TMEM14A: variants seen among roughly 807,000 people sequenced by gnomAD.
The protein encoded by TMEM14A is transmembrane protein 14A.
Under a neutral mutation model 11.6 loss-of-function variants are expected in TMEM14A, and 8 were observed. The observed-to-expected ratio is 0.69, with a 90% CI of 0.40 to 1.24. The LOEUF is 1.24. Among genes scored for constraint, TMEM14A ranks in the 50% most tolerant of loss-of-function variants. The probability of loss-of-function intolerance (pLI) is 0.01; values close to 1 mark genes in which losing one functional copy is unlikely to be tolerated. For missense variants in TMEM14A, 108 were observed against 121.9 expected, an observed-to-expected ratio of 0.89 and a Z score of 0.54; for synonymous variants, 34 against 45.5, an observed-to-expected ratio of 0.75 and a Z score of 1.02.
intron 2 of TMEM14A, among the ~76,000 whole-genome samples, chr6:52,680,207 A>G (rs1489353739): frequency 6.6e-6 from 1 of 151,872 alleles, no homozygotes; most frequent in Non-Finnish European, 1.5e-5. Context: ...GCGGAAGACT[A>G]TGATGGGGGC....
chr6:52,677,120 T>C lies in TMEM14A; in HGVS notation c.18T>C (p.Phe6=), dbSNP rs766955775. 2 of 1,614,254 alleles carry C rather than the reference T, an allele frequency of 1.2e-6. No homozygotes were observed. Among genetic ancestry groups the C allele is most frequent in the East Asian group, 2.2e-5 (1 of 44,894 alleles). Residue 6 remains phenylalanine, a synonymous_variant, in exon 2 of 5, where the codon TTT becomes TTC. Transcript: ENST00000211314. MDLIG[F]GYAALVTFGS... ...CCTTGCCAATGGACCTGATCGGTTT[T>C]GGTTATGCAGCCCTCGTGACATTTG...
chr6:52,675,809 C>T (rs1221298048), intron 1 of TMEM14A, among the ~76,000 whole-genome samples: 1 of 152,170 alleles, frequency 6.6e-6, no homozygotes, highest in Non-Finnish European at 1.5e-5. Flanking sequence ...GGACTAATAT[C>T]TGTACAGACA....
intron 1 of TMEM14A, among the ~76,000 whole-genome samples, chr6:52,674,731 T>C (rs1410852634): frequency 6.6e-6 from 1 of 152,132 alleles, no homozygotes; most frequent in Non-Finnish European, 1.5e-5. Context: ...ACAGATGAGC[T>C]CTCCTGTTTT....
At chr6:52,675,545 TG>T (rs910794844) in intron 1 of TMEM14A, among the ~76,000 whole-genome samples, 3 of 152,216 alleles carry the variant, frequency 2.0e-5, no homozygotes, top group African/African-American at 7.2e-5. Context: ...GAGAGAATTG[TG>T]GGCAGGGTTT....
chr6:52,683,291 C>T (rs1481461490), intron 3 of TMEM14A, among the ~76,000 whole-genome samples: 1 of 152,008 alleles, frequency 6.6e-6, no homozygotes, highest in African/African-American at 2.4e-5. Flanking sequence ...AAGACCCTGT[C>T]TCTACTAAAA....
chr6:52,678,047 A>G (rs980961684), intron 2 of TMEM14A, among the ~76,000 whole-genome samples: 3 of 152,120 alleles, frequency 2.0e-5, no homozygotes, highest in African/African-American at 4.8e-5. Flanking sequence ...GTCTTAATGT[A>G]TGTATTAGAG....
At position 52,686,318 on chromosome 6, in the gene TMEM14A, G is replaced by A; in HGVS notation, c.*269G>A. 1 of 394,846 alleles carries A rather than the reference G, an allele frequency of 2.5e-6. No individual in the cohort carries two copies. Among genetic ancestry groups the A allele is most frequent in the Non-Finnish European group, 4.5e-6 (1 of 223,342 alleles). The allele number at this position is 394,846 out of a possible 1,614,324, so 24.5% of individuals were successfully genotyped here. ...TGTTGTGTCTATTTTTTATATATTT[G>A]GTATTTTTTGAAAATTCCAAATACT... On this transcript the variant is annotated 3_prime_UTR_variant, in exon 5 of 5. Transcript: ENST00000211314.
intron 1 of TMEM14A, among the ~76,000 whole-genome samples, chr6:52,673,810 C>G (rs6909539): frequency 0.68 from 102,991 of 151,658 alleles, 36,976 homozygotes; most frequent in South Asian, 0.82. Context: ...GTCGAATTGA[C>G]TACAAATATA....
At chr6:52,680,593 T>TATATATATATATATATATATATATATATA (rs1561874928) in intron 2 of TMEM14A, among the ~76,000 whole-genome samples, 3 of 96,514 alleles carry the variant, frequency 3.1e-5, no homozygotes, top group East Asian at 3.5e-4. Context: ...ATTTATATAT[T>TATATATATATATATATATATATATATATA]TATATATATA....
At chr6:52,672,325 C>G (rs187978022) in intron 1 of TMEM14A, among the ~76,000 whole-genome samples, 2 of 152,028 alleles carry the variant, frequency 1.3e-5, no homozygotes, top group East Asian at 3.9e-4. Flanking sequence ...AAGAGAAGAT[C>G]GCAGGAAGAG....
chr6:52,685,126 G>T (rs1404776061), intron 4 of TMEM14A, among the ~76,000 whole-genome samples: 1 of 152,154 alleles, frequency 6.6e-6, no homozygotes, highest in African/African-American at 2.4e-5. Context: ...GTTTTTCTGT[G>T]GGTGATAGTG....
rs1203284039 is a variant in TMEM14A, at chr6:52,676,630, C to T, written c.-16-457C>T. On this transcript the variant is annotated intron_variant, in intron 1 of 4. Transcript: ENST00000211314. Reference sequence around the variant, plus strand: ...AATGTCTTTGTATTAGTCATTCTCACACTGCTCTAAATAACTACCTGAGAC... The same window carrying T: ...AATGTCTTTGTATTAGTCATTCTCATACTGCTCTAAATAACTACCTGAGAC... Among the ~76,000 whole-genome samples the T allele has an allele frequency of 2.6e-5, 4 of 152,166 alleles. No individual in the cohort carries two copies. In the East Asian group the frequency reaches 5.8e-4, roughly 22 times the overall value.
At chr6:52,679,533 C>G (rs541419315) in intron 2 of TMEM14A, among the ~76,000 whole-genome samples, 73 of 152,300 alleles carry the variant, frequency 4.8e-4, no homozygotes, top group Middle Eastern at 6.8e-3. Context: ...CATCTTTCAA[C>G]TCTTTTTAAA....
In TMEM14A at chr6:52,681,913, G is replaced by C; in HGVS notation, c.171G>C (p.Leu57=). 1 of 1,613,488 alleles carries C rather than the reference G, an allele frequency of 6.2e-7. No homozygotes were observed. Among genetic ancestry groups the C allele is most frequent in the Non-Finnish European group, 8.5e-7 (1 of 1,179,578 alleles). Residue 57 remains leucine, a splice_region_variant and synonymous_variant, in exon 3 of 5, where the codon CTG becomes CTC. Transcript: ENST00000211314. ...ACAAACGAGATGTAAAAGTGTCACT[G>C]TGTAAGTAAGGCATTTTTCCTGGTT... ...SNDKRDVKVS[L]FTAFFLATIM... is the part of the protein sequence containing the mutation.
intron 4 of TMEM14A, 67 bp from the exon 5 acceptor site, chr6:52,685,943 T>A (rs1455713339): frequency 1.3e-6 from 2 of 1,514,486 alleles, no homozygotes; most frequent in African/African-American, 2.8e-5. Context: ...GGCGAGTGCA[T>A]GGCCCTTTCT....
At chr6:52,679,228 C>T (rs558290786) in intron 2 of TMEM14A, among the ~76,000 whole-genome samples, 203 of 152,254 alleles carry the variant, frequency 1.3e-3, no homozygotes, top group African/African-American at 4.6e-3. Flanking sequence ...ACTGTGCTTG[C>T]CTGGGCTCAC....
At chr6:52,675,628 A>G (rs1201397388) in intron 1 of TMEM14A, among the ~76,000 whole-genome samples, 1 of 152,254 alleles carries the variant, frequency 6.6e-6, no homozygotes, top group South Asian at 2.1e-4. Context: ...ATTGTCATCC[A>G]TTTAACTTCA....
At chr6:52,684,247 T>C (rs962439924) in intron 4 of TMEM14A, 82 bp downstream of exon 4, 81 of 1,280,806 alleles carry the variant, frequency 6.3e-5, no homozygotes, top group Non-Finnish European at 8.5e-5. Flanking sequence ...AATTTTAATT[T>C]GAAAGATCAA....
At chr6:52,684,306 T>C (rs1250242206) in intron 4 of TMEM14A, 141 bp downstream of exon 4, 1 of 680,748 alleles carries the variant, frequency 1.5e-6, no homozygotes, top group East Asian at 2.8e-5. Context: ...TAAGATAGCA[T>C]GGATTCAGTG....
Sources: gnomAD v4.1 joint callset for allele counts (sites outside exome capture counted in the v4.1 genomes callset) on GRCh38, gnomAD v4.1.1 for gene constraint, MANE v1.5 for transcripts, NCBI Gene and HGNC (gene_info 2026-07-23, HGNC 2026-07-21) for gene names.